Variants in CCSER1 observed in about 807,000 individuals in gnomAD.
CCSER1 encodes coiled-coil serine rich protein 1, also known as serine-rich coiled-coil domain-containing protein 1.
CCSER1 carries 41 observed loss-of-function variants against 82.0 expected under a neutral mutation model. The observed-to-expected ratio is 0.50, with a 90% CI of 0.39 to 0.65. The LOEUF (loss-of-function observed/expected upper bound fraction) is 0.65, where lower values mean the gene tolerates loss of function less well. CCSER1 is among the 30% of genes least tolerant of loss of function. CCSER1 has a pLI of 0.00. For synonymous variants in CCSER1, 414 were observed against 383.9 expected, an observed-to-expected ratio of 1.08 and a Z score of -0.92; for missense variants, 1,119 against 1,064.2, an observed-to-expected ratio of 1.05 and a Z score of -0.72.
chr4:90,141,287 A>T lies in CCSER1; in HGVS notation c.-42+13456A>T, dbSNP rs150606574. On this transcript the variant is annotated intron_variant, in intron 1 of 10. Transcript: ENST00000509176. ...AAGGGTAATCTGCTTTACTTAAATG[A>T]TTGTACATATTAATCACATCTACAA... Among the ~76,000 whole-genome samples the T allele has an allele frequency of 6.5e-3, 988 of 152,308 alleles. 5 individuals carry two copies. The highest frequency in any genetic ancestry group is 1.0e-2 in the Non-Finnish European group (680 of 68,022).
intron 7 of CCSER1, chr4:90,780,775 G>T: frequency 1.7e-6 from 2 of 1,174,036 alleles, no homozygotes; most frequent in Non-Finnish European, 1.1e-6. Context: ...AAACTAAATT[G>T]ACTAAAGTAT....
intron 5 of CCSER1, among the ~76,000 whole-genome samples, chr4:90,578,252 T>C (rs1165828204): frequency 6.6e-6 from 1 of 152,214 alleles, no homozygotes; most frequent in Non-Finnish European, 1.5e-5. Context: ...TTTTCTTTTA[T>C]AGGTCAGAAT....
chr4:90,376,874 A>G (rs1748410249), intron 3 of CCSER1, among the ~76,000 whole-genome samples: 1 of 152,190 alleles, frequency 6.6e-6, no homozygotes, highest in South Asian at 2.1e-4. Context: ...ATATTTGTAC[A>G]GTGAACAGAC....
chr4:91,068,959 G>A (rs1165143861), intron 9 of CCSER1, among the ~76,000 whole-genome samples: 1 of 152,068 alleles, frequency 6.6e-6, no homozygotes, highest in Non-Finnish European at 1.5e-5. Flanking sequence ...GAAGCAGGTG[G>A]ATCACCTGAG....
chr4:90,229,570 C>T (rs1744005331), intron 1 of CCSER1, among the ~76,000 whole-genome samples: 1 of 151,604 alleles, frequency 6.6e-6, no homozygotes. Flanking sequence ...AACTAATGAG[C>T]AAAATAACCA....
intron 10 of CCSER1, among the ~76,000 whole-genome samples, chr4:91,165,384 T>C (rs1731927631): frequency 6.6e-6 from 1 of 152,106 alleles, no homozygotes; most frequent in Non-Finnish European, 1.5e-5. Flanking sequence ...CTGGGAAGTG[T>C]CAGGGACCCA....
Position 91,480,874 on chromosome 4 carries a change from TACTC to T in CCSER1, c.2218-117696_2218-117693del, listed in dbSNP as rs531710576. Among the ~76,000 whole-genome samples, 4 of 152,316 alleles carry T rather than the reference TACTC, an allele frequency of 2.6e-5. No homozygotes were observed. In the South Asian group the frequency reaches 8.3e-4, roughly 32 times the overall value. On this transcript the variant is annotated intron_variant, in intron 10 of 10. Coordinates refer to ENST00000509176, the MANE Select transcript of CCSER1 (RefSeq NM_001145065.2). The stretch of plus-strand genomic sequence containing the variant: ...AATCACTATTGAATTCAAAAACAGG[TACTC>T]AATCTATAAATCATTGTTCTACTGG...
At chr4:91,562,062 G>C (rs542147869) in intron 10 of CCSER1, among the ~76,000 whole-genome samples, 1 of 151,530 alleles carries the variant, frequency 6.6e-6, no homozygotes, top group African/African-American at 2.4e-5. Flanking sequence ...ATTTCAGTGA[G>C]AATTGTACTC....
intron 9 of CCSER1, among the ~76,000 whole-genome samples, chr4:91,035,114 AAATAAG>A (rs1264528485): frequency 6.6e-6 from 1 of 152,190 alleles, no homozygotes; most frequent in Non-Finnish European, 1.5e-5. Flanking sequence ...GTCAAAGATA[AAATAAG>A]AAATAGAAGT....
chr4:90,541,524 G>A (rs1033974194), intron 5 of CCSER1, among the ~76,000 whole-genome samples: 3 of 151,980 alleles, frequency 2.0e-5, no homozygotes, highest in Non-Finnish European at 4.4e-5. Context: ...TTTGTAACAC[G>A]GTGAAAGTTA....
At chr4:90,332,111 A>G (rs958741794) in intron 3 of CCSER1, among the ~76,000 whole-genome samples, 6 of 152,160 alleles carry the variant, frequency 3.9e-5, no homozygotes, top group African/African-American at 1.4e-4. Flanking sequence ...TGCTTCTTCT[A>G]CTGTTCCCGC....
intron 10 of CCSER1, among the ~76,000 whole-genome samples, chr4:91,093,034 A>C (rs1172119895): frequency 6.6e-6 from 1 of 152,120 alleles, no homozygotes; most frequent in Non-Finnish European, 1.5e-5. Context: ...ATAATGCTCC[A>C]TATACTTGAA....
At chr4:91,584,551 C>T (rs1763895343) in intron 10 of CCSER1, among the ~76,000 whole-genome samples, 1 of 151,316 alleles carries the variant, frequency 6.6e-6, no homozygotes, top group East Asian at 1.9e-4. Flanking sequence ...CAGTATTAAC[C>T]TCAAAATGTT....
chr4:91,566,037 A>G (rs1464712676), intron 10 of CCSER1, among the ~76,000 whole-genome samples: 3 of 152,022 alleles, frequency 2.0e-5, no homozygotes, highest in Non-Finnish European at 4.4e-5. Flanking sequence ...TGTCATAGAT[A>G]GCTCTTATTA....
chr4:90,346,345 G>C (rs1742332307), intron 3 of CCSER1, among the ~76,000 whole-genome samples: 3 of 151,794 alleles, frequency 2.0e-5, no homozygotes, highest in Non-Finnish European at 4.4e-5. Flanking sequence ...TTATAACCGT[G>C]TAGATCTCTC....
At chr4:91,330,172 T>G (rs1746849460) in intron 10 of CCSER1, among the ~76,000 whole-genome samples, 1 of 152,184 alleles carries the variant, frequency 6.6e-6, no homozygotes, top group Non-Finnish European at 1.5e-5. Flanking sequence ...AATTTCATTA[T>G]CCAGAGCTAA....
chr4:91,237,359 C>T (rs548394688), intron 10 of CCSER1, among the ~76,000 whole-genome samples: 2 of 150,770 alleles, frequency 1.3e-5, no homozygotes, highest in Non-Finnish European at 2.9e-5. Flanking sequence ...CTTGAGAATG[C>T]ATTACCAAAG....
intron 9 of CCSER1, among the ~76,000 whole-genome samples, chr4:90,999,838 AT>A (rs767975616): frequency 1.4e-5 from 2 of 138,758 alleles, no homozygotes; most frequent in Admixed American, 7.2e-5. Context: ...CTAATCATAA[AT>A]TTTTTTCTCA....
intron 4 of CCSER1, among the ~76,000 whole-genome samples, chr4:90,406,216 T>G (rs547431490): frequency 2.6e-4 from 39 of 152,220 alleles, no homozygotes; most frequent in Non-Finnish European, 5.3e-4. Context: ...GTAGCTATTA[T>G]TATACCAGAC....
Sources: allele counts gnomAD v4.1 joint callset (sites outside exome capture counted in the v4.1 genomes callset), GRCh38; gene constraint gnomAD v4.1.1; transcripts MANE v1.5; gene names NCBI Gene and HGNC (gene_info 2026-07-23, HGNC 2026-07-21).